CFAP100: variants seen among roughly 807,000 people sequenced by gnomAD.
The protein encoded by CFAP100 is cilia and flagella associated protein 100, also known as cilia- and flagella-associated protein 100.
CFAP100 carries 70 observed loss-of-function variants against 81.5 expected under a neutral mutation model. That is an observed-to-expected ratio of 0.86 (90% CI 0.71 to 1.05). CFAP100 has a LOEUF of 1.05. Among genes scored for constraint, CFAP100 ranks in the 50% least tolerant of loss-of-function variants. CFAP100 has a pLI of 0.00. For synonymous variants in CFAP100, 341 were observed against 314.8 expected (o/e 1.08, Z -0.88); for missense variants, 811 against 776.5 (o/e 1.04, Z -0.53).
chr3:126,430,154 T>C (rs1483634645), intron 13 of CFAP100, among the ~76,000 whole-genome samples: 1 of 152,194 alleles, frequency 6.6e-6, no homozygotes, highest in Non-Finnish European at 1.5e-5. Flanking sequence ...CTTCTACTTA[T>C]TTGGGAATCT....
intron 11 of CFAP100, 118 bp downstream of exon 11, chr3:126,420,347 C>G (rs2083311269): frequency 7.1e-7 from 1 of 1,404,448 alleles, no homozygotes; most frequent in Non-Finnish European, 9.5e-7. Flanking sequence ...CTCACAGTCC[C>G]TACTCCAAGA....
At chr3:126,427,603 CAAGTAT>C (rs973792033) in intron 13 of CFAP100, among the ~76,000 whole-genome samples, 2 of 152,204 alleles carry the variant, frequency 1.3e-5, no homozygotes, top group African/African-American at 4.8e-5. Context: ...TCATATAGTA[CAAGTAT>C]GTTTAGTTTT....
rs2083037628 is a variant in CFAP100 at position 126,404,770 on chromosome 3, G to A, written c.50-2402G>A. 2.0e-5 allele frequency among the ~76,000 whole-genome samples: 3 copies of A among 152,294 alleles called. No individual in the cohort carries two copies. The South Asian group carries it at 6.2e-4, about 32-fold the overall frequency. ...GCTCACTGCAACCTCCACCTCCTGG[G>A]TTCAAGCGATTCTCCTGCCTCAGCC... On this transcript the variant is annotated intron_variant, in intron 2 of 16. Coordinates refer to ENST00000352312, the MANE Select transcript of CFAP100 (RefSeq NM_182628.3).
chr3:126,405,840 T>C (rs1328611240), intron 2 of CFAP100, among the ~76,000 whole-genome samples: 5 of 152,004 alleles, frequency 3.3e-5, no homozygotes, highest in Non-Finnish European at 7.4e-5. Context: ...CATGCTGGAG[T>C]GCAGTGGCGC....
At position 126,418,758 on chromosome 3, in the gene CFAP100, G is replaced by C. The variant is rs113086673; in HGVS notation, c.634G>C (p.Val212Leu). The C allele has an allele frequency of 1.3e-6, 2 of 1,594,160 alleles. No individual in the cohort carries two copies. The highest frequency in any genetic ancestry group is 2.7e-5 in the African/African-American group (2 of 74,436). ...CGTCAGGGAGAATGACTGCAGCTCCGTGCAGGCCATGAGAGCGTGAGCCTG... is the reference window on the plus strand; with the variant it reads ...CGTCAGGGAGAATGACTGCAGCTCCCTGCAGGCCATGAGAGCGTGAGCCTG... ...EFVRENDCSS[V>L]QAMRAAEKET... Residue 212 changes from valine to leucine, a missense_variant, in exon 7 of 17, where the codon GTG (valine) becomes CTG (leucine). Val to Leu is a conservative substitution (Grantham distance 32). Coordinates refer to ENST00000352312, the MANE Select transcript of CFAP100 (RefSeq NM_182628.3).
chr3:126,418,040 G>C, intron 5 of CFAP100: 8 of 174,148 alleles, frequency 4.6e-5, no homozygotes, highest in South Asian at 2.8e-4. Flanking sequence ...AGTTTGCTCG[G>C]GGGGCTTAGG....
chr3:126,425,568 A>C (rs1478833967), intron 13 of CFAP100, among the ~76,000 whole-genome samples: 1 of 152,240 alleles, frequency 6.6e-6, no homozygotes, highest in Non-Finnish European at 1.5e-5. Flanking sequence ...AACCCATTCT[A>C]TGAAGCCAGT....
rs895595727 is a variant in CFAP100 at position 126,402,084 on chromosome 3, C to T, written c.50-5088C>T. Among the ~76,000 whole-genome samples the T allele has an allele frequency of 1.8e-4, 28 of 152,198 alleles. 1 individual carries two copies. The highest frequency in any genetic ancestry group is 2.9e-5 in the Non-Finnish European group (2 of 68,042). ...CTCCAGGAAGGTAGGCATGGCACCT[C>T]CTTCAGGGCGGCATCCCCAGCCACA... On this transcript the variant is annotated intron_variant, in intron 2 of 16. Transcript: ENST00000352312.
intron 2 of CFAP100, among the ~76,000 whole-genome samples, chr3:126,401,869 T>G (rs936679688): frequency 6.6e-6 from 1 of 152,128 alleles, no homozygotes; most frequent in Non-Finnish European, 1.5e-5. Context: ...CTGCCAGCCA[T>G]GCTGGCCCCA....
chr3:126,418,652 G>A lies in CFAP100; in HGVS notation c.528G>A (p.Glu176=), dbSNP rs1163102739. The change falls in exon 7 of 17, where the codon GAG becomes GAA. Residue 176 remains glutamate (E), a synonymous_variant. Coordinates refer to ENST00000352312, the MANE Select transcript of CFAP100 (RefSeq NM_182628.3). ...AGCGGAGAGAGATCCAGCGGCTGGA[G>A]ACGCTGGCGACCAAAGAGGAGGCCA... ...DVKRREIQRL[E]TLATKEEARL... The A allele has an allele frequency of 6.3e-7, 1 of 1,586,788 alleles. No individual in the cohort carries two copies. The highest frequency in any genetic ancestry group is 8.6e-7 in the Non-Finnish European group (1 of 1,167,776).
At chr3:126,430,461 G>T (rs1388039503) in intron 13 of CFAP100, among the ~76,000 whole-genome samples, 1 of 151,692 alleles carries the variant, frequency 6.6e-6, no homozygotes, top group Non-Finnish European at 1.5e-5. Flanking sequence ...TATTACCACA[G>T]GTACTCCAAA....
chr3:126,435,731 C>T, intron 16 of CFAP100, 79 bp downstream of exon 16: 2 of 1,151,326 alleles, frequency 1.7e-6, no homozygotes, highest in Non-Finnish European at 1.3e-6. Flanking sequence ...GCAGCCCAAG[C>T]CCCTGATGCT....
At position 126,423,584 on chromosome 3, in the gene CFAP100, A is replaced by G; in HGVS notation, c.1226A>G (p.Gln409Arg). Residue 409 changes from glutamine (Q) to arginine (R), a missense_variant, in exon 13 of 17, where the codon CAG (glutamine) becomes CGG (arginine). Transcript: ENST00000352312. The stretch of plus-strand genomic sequence containing the variant: ...AACCTGTCGCTGATCCAGAACAGCC[A>G]GGAGACGGAGAAGACCCTGGAGGAG... ...EQNLSLIQNS[Q>R]ETEKTLEELS... 1 of 1,612,286 alleles carries G rather than the reference A, an allele frequency of 6.2e-7. No individual in the cohort carries two copies. Among genetic ancestry groups the G allele is most frequent in the East Asian group, 2.2e-5 (1 of 44,884 alleles).
At chr3:126,434,513 G>C in intron 15 of CFAP100, 132 bp downstream of exon 15, 26 of 866,596 alleles carry the variant, frequency 3.0e-5, no homozygotes, top group Middle Eastern at 3.7e-4. Flanking sequence ...AGAGACAAAA[G>C]CCCATGTCTT....
chr3:126,432,282 CAAAAAAA>C (rs58421889), intron 13 of CFAP100, among the ~76,000 whole-genome samples: 82 of 76,734 alleles, frequency 1.1e-3, no homozygotes, highest in African/African-American at 4.4e-3. Context: ...GACTCCGTCT[CAAAAAAA>C]AAAAAAAAAA....
intron 2 of CFAP100, among the ~76,000 whole-genome samples, chr3:126,402,672 A>G (rs542516693): frequency 6.6e-6 from 1 of 151,982 alleles, no homozygotes; most frequent in South Asian, 2.1e-4. Context: ...GTCATTTTCT[A>G]TCTCCAGGGA....
chr3:126,401,806 G>A (rs112359399), intron 2 of CFAP100, among the ~76,000 whole-genome samples: 122 of 152,228 alleles, frequency 8.0e-4, no homozygotes, highest in African/African-American at 2.7e-3. Context: ...GCCAAACCCT[G>A]GTCCTTCTGT....
At chr3:126,404,697 T>C (rs989218731) in intron 2 of CFAP100, among the ~76,000 whole-genome samples, 6 of 152,140 alleles carry the variant, frequency 3.9e-5, no homozygotes, top group African/African-American at 7.2e-5. Flanking sequence ...TTTTCTGAGA[T>C]GGAGTCTCGC....
At chr3:126,422,651 C>A (rs1315067652) in intron 11 of CFAP100, among the ~76,000 whole-genome samples, 1 of 152,192 alleles carries the variant, frequency 6.6e-6, no homozygotes, top group Non-Finnish European at 1.5e-5. Flanking sequence ...TTGTTCCCAG[C>A]CCCTCTCCAC....
Sources: gnomAD v4.1 joint callset for allele counts (sites outside exome capture counted in the v4.1 genomes callset) on GRCh38, gnomAD v4.1.1 for gene constraint, MANE v1.5 for transcripts, NCBI Gene and HGNC (gene_info 2026-07-23, HGNC 2026-07-21) for gene names.